Variants in EYS observed in about 807,000 individuals in gnomAD.
EYS encodes the protein protein eyes shut homolog.
EYS carries 250 observed loss-of-function variants against 282.1 expected under a neutral mutation model. The observed-to-expected ratio is 0.89, with a 90% CI of 0.80 to 0.98. The LOEUF is 0.98. Among genes scored for constraint, EYS ranks in the 50% least tolerant of loss-of-function variants. EYS has a pLI of 0.00. For synonymous variants in EYS, 1,355 were observed against 1,282.9 expected (o/e 1.06, Z -1.20); for missense variants, 4,016 against 3,709.0 (o/e 1.08, Z -2.15).
chr6:63,972,123 C>T (rs1582057048), intron 35 of EYS, among the ~76,000 whole-genome samples: 1 of 152,230 alleles, frequency 6.6e-6, no homozygotes, highest in South Asian at 2.1e-4. Flanking sequence ...TGGAAAAATA[C>T]TTTATTTTTC....
intron 22 of EYS, among the ~76,000 whole-genome samples, chr6:64,708,178 T>G (rs954770770): frequency 2.0e-5 from 3 of 152,216 alleles, no homozygotes; most frequent in African/African-American, 2.4e-5. Flanking sequence ...TCATAACTTG[T>G]TGACCCAACA....
chr6:65,599,743 A>C (rs1199972397), intron 2 of EYS, among the ~76,000 whole-genome samples: 1 of 152,022 alleles, frequency 6.6e-6, no homozygotes, highest in African/African-American at 2.4e-5. Context: ...AGTCTCCCAG[A>C]CACCTTTCCT....
chr6:64,605,840 G>GAA (rs1766913966), intron 24 of EYS, among the ~76,000 whole-genome samples: 1 of 151,896 alleles, frequency 6.6e-6, no homozygotes, highest in African/African-American at 2.4e-5. Context: ...TGATTTTTGA[G>GAA]AACTGGCAAG....
At chr6:64,139,836 G>T in intron 31 of EYS, among the ~76,000 whole-genome samples, 1 of 151,984 alleles carries the variant, frequency 6.6e-6, no homozygotes, top group East Asian at 1.9e-4. Flanking sequence ...GGGCGTGGTG[G>T]CAGGCGCCTG....
intron 33 of EYS, among the ~76,000 whole-genome samples, chr6:64,053,206 A>G (rs1770871811): frequency 6.6e-6 from 1 of 152,116 alleles, no homozygotes; most frequent in African/African-American, 2.4e-5. Context: ...ATTAGAATAA[A>G]ACTTTTGCTA....
chr6:65,412,234 T>C (rs1767050444), intron 5 of EYS, among the ~76,000 whole-genome samples: 2 of 152,126 alleles, frequency 1.3e-5, no homozygotes, highest in South Asian at 2.1e-4. Flanking sequence ...GATAAATAAA[T>C]GTTTAAGCCA....
intron 11 of EYS, chr6:65,329,333 G>C (rs1427061570): frequency 1.2e-6 from 1 of 831,322 alleles, no homozygotes; most frequent in African/African-American, 1.9e-5. Context: ...TATGTGTATG[G>C]GTAATACAAT....
In EYS at chr6:64,026,377, C is replaced by T. The variant is rs564990858; in HGVS notation, c.6726-27194G>A. 5.3e-5 allele frequency among the ~76,000 whole-genome samples: 8 copies of T among 152,248 alleles called. No individual in the cohort carries two copies. In the South Asian group the frequency reaches 1.7e-3, roughly 32 times the overall value. On this transcript the variant is annotated intron_variant, in intron 33 of 42. Transcript: ENST00000503581. ...TTTCAGATGGGAAACACTCAGGCAT[C>T]AACAGGATCACCCTTGAAATGCATC...
intron 22 of EYS, among the ~76,000 whole-genome samples, chr6:64,695,587 C>CAT: frequency 7.0e-6 from 1 of 141,882 alleles, no homozygotes. Context: ...TTTCTTTTAA[C>CAT]TTTTTTTTTT....
intron 31 of EYS, among the ~76,000 whole-genome samples, chr6:64,121,498 C>G (rs1341189537): frequency 6.6e-6 from 1 of 152,162 alleles, no homozygotes; most frequent in Non-Finnish European, 1.5e-5. Flanking sequence ...AGCTGGGACT[C>G]ATAACCGTTA....
At chr6:63,782,177 T>C (rs1213341168) in intron 39 of EYS, among the ~76,000 whole-genome samples, 3 of 152,234 alleles carry the variant, frequency 2.0e-5, no homozygotes, top group Admixed American at 1.3e-4. Context: ...GATTTTTGCA[T>C]TGATGTTTAT....
intron 35 of EYS, among the ~76,000 whole-genome samples, chr6:63,952,630 C>A (rs1323192620): frequency 6.6e-6 from 1 of 152,204 alleles, no homozygotes; most frequent in Non-Finnish European, 1.5e-5. Flanking sequence ...CTGCCCAGCT[C>A]CCTTATTAGG....
intron 5 of EYS, among the ~76,000 whole-genome samples, chr6:65,482,695 C>T (rs1765650384): frequency 6.6e-6 from 1 of 152,144 alleles, no homozygotes; most frequent in South Asian, 2.1e-4. Context: ...ACACTATTCT[C>T]TACTAGTCAG....
chr6:64,163,790 A>G (rs114811155), intron 31 of EYS, among the ~76,000 whole-genome samples: 2,923 of 152,196 alleles, frequency 0.019, 83 homozygotes, highest in African/African-American at 0.066. Flanking sequence ...TGATATATGC[A>G]TTTCTACTTT....
At chr6:65,644,301 A>G (rs111393891) in intron 1 of EYS, among the ~76,000 whole-genome samples, 2,634 of 152,308 alleles carry the variant, frequency 0.017, 81 homozygotes, top group African/African-American at 0.061. Flanking sequence ...ATAGAATAGA[A>G]CAAGCAAAAG....
At chr6:63,783,272 G>A (rs558551622) in intron 39 of EYS, among the ~76,000 whole-genome samples, 1 of 152,244 alleles carries the variant, frequency 6.6e-6, no homozygotes, top group African/African-American at 2.4e-5. Context: ...AGTCCAAAGG[G>A]TGGTTAGGGT....
intron 33 of EYS, among the ~76,000 whole-genome samples, chr6:64,024,812 T>C (rs1050623553): frequency 2.0e-5 from 3 of 151,756 alleles, no homozygotes; most frequent in African/African-American, 7.3e-5. Flanking sequence ...AGGAAGAAAC[T>C]CCAAACACAT....
chr6:65,630,733 T>C (rs1489648916), intron 2 of EYS, among the ~76,000 whole-genome samples: 1 of 152,242 alleles, frequency 6.6e-6, no homozygotes, highest in Non-Finnish European at 1.5e-5. Context: ...GTACTTGTGT[T>C]GAACATCTTG....
intron 30 of EYS, among the ~76,000 whole-genome samples, chr6:64,263,662 A>C (rs757048506): frequency 6.6e-6 from 1 of 152,104 alleles, no homozygotes; most frequent in Non-Finnish European, 1.5e-5. Flanking sequence ...TGGCTATAAT[A>C]AGTATTCCTA....
Sources: gnomAD v4.1 joint callset for allele counts (sites outside exome capture counted in the v4.1 genomes callset) on GRCh38, gnomAD v4.1.1 for gene constraint, MANE v1.5 for transcripts, NCBI Gene and HGNC (gene_info 2026-07-23, HGNC 2026-07-21) for gene names.